ARHGAP22: variants seen among roughly 807,000 people sequenced by gnomAD.
ARHGAP22 encodes the protein rho GTPase-activating protein 22.
A neutral mutation model predicts 59.1 loss-of-function variants in ARHGAP22; 48 were observed. The observed-to-expected ratio is 0.81, with a 90% CI of 0.64 to 1.03. The LOEUF is 1.03. ARHGAP22 is among the 50% of genes least tolerant of loss of function. The probability of loss-of-function intolerance (pLI) is 0.00; values close to 1 mark genes in which losing one functional copy is unlikely to be tolerated. For synonymous variants in ARHGAP22, 445 were observed against 416.4 expected (o/e 1.07, Z -0.84); for missense variants, 1,015 against 958.7 (o/e 1.06, Z -0.78).
intron 3 of ARHGAP22, among the ~76,000 whole-genome samples, chr10:48,496,267 C>A (rs1349547594): frequency 6.6e-6 from 1 of 152,124 alleles, no homozygotes; most frequent in Non-Finnish European, 1.5e-5. Context: ...GACAGTGGGG[C>A]TCTGGTGGTA....
At position 48,446,561 on chromosome 10, in the gene ARHGAP22, C is replaced by A. The variant is rs753991351; in HGVS notation, c.1927G>T (p.Asp643Tyr). 1 of 1,614,196 alleles carries A rather than the reference C, an allele frequency of 6.2e-7. No individual in the cohort carries two copies. Among genetic ancestry groups the A allele is most frequent in the Non-Finnish European group, 8.5e-7 (1 of 1,180,032 alleles). Reference sequence around the variant, plus strand: ...ATGATGTATTTTTTCTTTTCCTGGTCCAGTTCTTCTTCTAACCGGGACATT... The same window carrying A: ...ATGATGTATTTTTTCTTTTCCTGGTACAGTTCTTCTTCTAACCGGGACATT... ...KRMSRLEEEL[D>Y]QEKKKYIMLE... The change falls in exon 10 of 10, where the codon GAC (aspartate) becomes TAC (tyrosine). Residue 643 changes from aspartate to tyrosine, a missense_variant. Transcript: ENST00000249601.
intron 4 of ARHGAP22, among the ~76,000 whole-genome samples, chr10:48,469,872 C>T (rs1340020985): frequency 6.6e-6 from 1 of 152,224 alleles, no homozygotes; most frequent in African/African-American, 2.4e-5. Flanking sequence ...GCATCCTGCT[C>T]TCTACAGCAG....
chr10:48,642,828 C>A (rs886907463), intron 1 of ARHGAP22, among the ~76,000 whole-genome samples: 8 of 151,832 alleles, frequency 5.3e-5, no homozygotes, highest in African/African-American at 1.7e-4. Context: ...AAAATTTTTA[C>A]AATCTACTCA....
At chr10:48,597,158 C>T (rs1367266649) in intron 1 of ARHGAP22, among the ~76,000 whole-genome samples, 1 of 152,142 alleles carries the variant, frequency 6.6e-6, no homozygotes, top group Admixed American at 6.5e-5. Flanking sequence ...TGCACCTCTC[C>T]TTCATAAACA....
upstream of ARHGAP22, chr10:48,656,160 C>T (rs2062799437): frequency 1.3e-5 from 2 of 152,180 alleles, no homozygotes; most frequent in South Asian, 2.1e-4. Flanking sequence ...TGGCCGTGAC[C>T]CTGTCCCCGG....
chr10:48,604,230 C>T (rs1354166586), intron 1 of ARHGAP22, among the ~76,000 whole-genome samples: 1 of 152,192 alleles, frequency 6.6e-6, no homozygotes, highest in Non-Finnish European at 1.5e-5. Flanking sequence ...ACCCGTCCTG[C>T]CCCCAGACCC....
chr10:48,616,150 T>G (rs935612072), intron 1 of ARHGAP22, among the ~76,000 whole-genome samples: 26 of 152,314 alleles, frequency 1.7e-4, no homozygotes, highest in African/African-American at 6.3e-4. Context: ...GTGCCTATTT[T>G]CCAGTAGTAT....
chr10:48,563,187 ATTTTTTTTT>A (rs558735630), intron 2 of ARHGAP22, among the ~76,000 whole-genome samples: 122 of 104,218 alleles, frequency 1.2e-3, no homozygotes, highest in African/African-American at 3.8e-3. Flanking sequence ...ATCCAGGATA[ATTTTTTTTT>A]TTTTTTTTTT....
At chr10:48,484,823 T>C (rs1049476923) in intron 3 of ARHGAP22, among the ~76,000 whole-genome samples, 12 of 152,100 alleles carry the variant, frequency 7.9e-5, no homozygotes, top group Non-Finnish European at 1.5e-4. Flanking sequence ...TCTCTCACCC[T>C]GATATTGGTA....
chr10:48,556,329 G>A (rs909850254), intron 2 of ARHGAP22, among the ~76,000 whole-genome samples: 28 of 152,140 alleles, frequency 1.8e-4, no homozygotes, highest in Admixed American at 1.2e-3. Flanking sequence ...CATGTGGTAA[G>A]TCCTACTCAA....
At chr10:48,640,389 C>A (rs1331005748) in intron 1 of ARHGAP22, among the ~76,000 whole-genome samples, 1 of 152,066 alleles carries the variant, frequency 6.6e-6, no homozygotes. Flanking sequence ...CTCAAAGAAT[C>A]CCAAGTAGGA....
intron 1 of ARHGAP22, among the ~76,000 whole-genome samples, chr10:48,636,979 T>C (rs1238254392): frequency 6.6e-6 from 1 of 152,228 alleles, no homozygotes; most frequent in Non-Finnish European, 1.5e-5. Flanking sequence ...TTTCTCATGA[T>C]GGCCAGGACT....
chr10:48,571,644 A>T (rs2058398783), intron 2 of ARHGAP22, among the ~76,000 whole-genome samples: 1 of 152,234 alleles, frequency 6.6e-6, no homozygotes, highest in Non-Finnish European at 1.5e-5. Context: ...GCTGTGTAAG[A>T]AAACTCCAAA....
chr10:48,553,733 C>T lies in ARHGAP22; in HGVS notation c.322+1730G>A, dbSNP rs73298291. On this transcript the variant is annotated intron_variant, in intron 3 of 9. Transcript: ENST00000249601. Reference sequence around the variant, plus strand: ...GGGTCTTCTCCTACCGCCCCCAACACCCCCAACACCACTGGCAAGAGTCAA... The same window carrying T: ...GGGTCTTCTCCTACCGCCCCCAACATCCCCAACACCACTGGCAAGAGTCAA... Among the ~76,000 whole-genome samples, 322 of 152,244 alleles carry T rather than the reference C, an allele frequency of 2.1e-3. 1 individual carries two copies. The highest frequency in any genetic ancestry group is 7.5e-3 in the African/African-American group (312 of 41,564).
At chr10:48,643,078 G>T (rs1256461347) in intron 1 of ARHGAP22, among the ~76,000 whole-genome samples, 3 of 152,170 alleles carry the variant, frequency 2.0e-5, no homozygotes, top group African/African-American at 7.2e-5. Flanking sequence ...TCATTAAAAA[G>T]TCAAGAAACA....
intron 1 of ARHGAP22, among the ~76,000 whole-genome samples, chr10:48,625,693 T>TACACAAACACACAC (rs71465465): frequency 3.2e-4 from 45 of 138,966 alleles, no homozygotes; most frequent in South Asian, 2.5e-3. Context: ...CTGCAACGTG[T>TACACAAACACACAC]ACACACACAC....
intron 3 of ARHGAP22, among the ~76,000 whole-genome samples, chr10:48,539,513 G>A (rs1423587378): frequency 6.6e-6 from 1 of 151,344 alleles, no homozygotes; most frequent in African/African-American, 2.4e-5. Flanking sequence ...GGATGGTCTC[G>A]ATCTCCTGAC....
At position 48,488,959 on chromosome 10, in the gene ARHGAP22, T is replaced by C. The variant is rs1375117950; in HGVS notation, c.323-9195A>G. ...TCCACCTGGGTCTCCCCTTCCTGCA[T>C]ACAGCCTGCAAACTTTCTCCAGGCA... On this transcript the variant is annotated intron_variant, in intron 3 of 9. Coordinates refer to ENST00000249601, the MANE Select transcript of ARHGAP22 (RefSeq NM_021226.4). 3.3e-5 allele frequency among the ~76,000 whole-genome samples: 5 copies of C among 152,122 alleles called. No homozygotes were observed. The South Asian group carries it at 1.0e-3, about 32-fold the overall frequency.
intron 3 of ARHGAP22, chr10:48,493,646 T>C: frequency 1.4e-6 from 2 of 1,419,008 alleles, no homozygotes; most frequent in Admixed American, 2.7e-5. Context: ...GGCTGAGGCC[T>C]TTTGTCTCTC....
Sources: allele counts gnomAD v4.1 joint callset (sites outside exome capture counted in the v4.1 genomes callset), GRCh38; gene constraint gnomAD v4.1.1; transcripts MANE v1.5; gene names NCBI Gene and HGNC (gene_info 2026-07-23, HGNC 2026-07-21).